Variants in WWTR1 observed in about 807,000 individuals in gnomAD.
The protein encoded by WWTR1 is WW domain-containing transcription regulator protein 1.
A neutral mutation model predicts 40.1 loss-of-function variants in WWTR1; 13 were observed. The observed-to-expected ratio is 0.32, with a 90% CI of 0.21 to 0.52. WWTR1 has a LOEUF of 0.52. Among genes scored for constraint, WWTR1 ranks in the 20% least tolerant of loss-of-function variants. The pLI, the probability that WWTR1 is intolerant of heterozygous loss-of-function variation, is 0.97. For synonymous variants in WWTR1, 230 were observed against 210.1 expected (o/e 1.09, Z -0.82); for missense variants, 436 against 523.1 (o/e 0.83, Z 1.63).
At chr3:149,696,617 C>T (rs1276262434) in intron 1 of WWTR1, among the ~76,000 whole-genome samples, 1 of 152,216 alleles carries the variant, frequency 6.6e-6, no homozygotes, top group Non-Finnish European at 1.5e-5. Flanking sequence ...AGAATCTATT[C>T]TCATGATCAT....
chr3:149,706,683 T>C (rs1411065352), upstream of WWTR1, among the ~76,000 whole-genome samples: 1 of 152,160 alleles, frequency 6.6e-6, no homozygotes, highest in Admixed American at 6.6e-5. Context: ...TCCTTATATT[T>C]TGAGCAAGAG....
intron 3 of WWTR1, among the ~76,000 whole-genome samples, chr3:149,559,036 G>C (rs930400256): frequency 2.6e-5 from 4 of 152,176 alleles, no homozygotes; most frequent in Admixed American, 2.6e-4. Context: ...GCTCACGCCT[G>C]TATTCCCAGC....
At chr3:149,675,773 G>A (rs1220629329) in intron 1 of WWTR1, among the ~76,000 whole-genome samples, 1 of 151,870 alleles carries the variant, frequency 6.6e-6, no homozygotes, top group Non-Finnish European at 1.5e-5. Context: ...CTGGAGTGCA[G>A]TGGCACGATC....
chr3:149,668,536 A>C, intron 2 of WWTR1, among the ~76,000 whole-genome samples: 1 of 148,640 alleles, frequency 6.7e-6, no homozygotes, highest in South Asian at 2.2e-4. Context: ...TGGGCCTGGG[A>C]GGCAGTGGTT....
At chr3:149,594,021 T>G (rs969246051) in intron 2 of WWTR1, among the ~76,000 whole-genome samples, 5 of 152,212 alleles carry the variant, frequency 3.3e-5, no homozygotes, top group African/African-American at 1.2e-4. Flanking sequence ...TCCTGTTTCT[T>G]GGGTCAGAGA....
At chr3:149,696,130 A>G (rs902423412) in intron 1 of WWTR1, among the ~76,000 whole-genome samples, 1 of 151,188 alleles carries the variant, frequency 6.6e-6, no homozygotes, top group Non-Finnish European at 1.5e-5. Flanking sequence ...AAAAAAAAAA[A>G]AAAAATCACA....
intron 4 of WWTR1, among the ~76,000 whole-genome samples, chr3:149,528,171 T>C (rs995096543): frequency 6.6e-6 from 1 of 152,338 alleles, no homozygotes; most frequent in Non-Finnish European, 1.5e-5. Flanking sequence ...ACAAAGTTAA[T>C]GGGAAGCTCA....
chr3:149,574,968 C>T (rs938210347), intron 2 of WWTR1, among the ~76,000 whole-genome samples: 4 of 151,820 alleles, frequency 2.6e-5, no homozygotes, highest in Non-Finnish European at 5.9e-5. Flanking sequence ...GTGATGCACG[C>T]GTGTAACCCC....
At chr3:149,675,940 C>G (rs1385844100) in intron 1 of WWTR1, among the ~76,000 whole-genome samples, 6 of 152,026 alleles carry the variant, frequency 3.9e-5, no homozygotes, top group African/African-American at 1.4e-4. Flanking sequence ...CTCCTGACCT[C>G]GTGATCGGCC....
intron 1 of WWTR1, among the ~76,000 whole-genome samples, chr3:149,692,143 G>C (rs968722142): frequency 2.7e-5 from 4 of 146,006 alleles, no homozygotes; most frequent in Admixed American, 2.7e-4. Context: ...ACCAACACCA[G>C]ACAAAGACAC....
chr3:149,645,113 T>A (rs1712420802), intron 2 of WWTR1, among the ~76,000 whole-genome samples: 2 of 143,044 alleles, frequency 1.4e-5, no homozygotes, highest in Admixed American at 1.4e-4. Context: ...GGAGTCTCGA[T>A]CTGTCGCCCA....
intron 2 of WWTR1, among the ~76,000 whole-genome samples, chr3:149,590,021 A>T (rs1738621646): frequency 6.6e-6 from 1 of 152,188 alleles, no homozygotes; most frequent in South Asian, 2.1e-4. Flanking sequence ...GTCATTCTCA[A>T]TTCATTCCTG....
intron 2 of WWTR1, among the ~76,000 whole-genome samples, chr3:149,652,733 G>A (rs1462104972): frequency 7.0e-6 from 1 of 142,414 alleles, no homozygotes; most frequent in Non-Finnish European, 1.5e-5. Flanking sequence ...AAACCTGGGA[G>A]AGAAAAAAGA....
chr3:149,674,311 A>G (rs13072136), intron 1 of WWTR1, among the ~76,000 whole-genome samples: 30,192 of 151,370 alleles, frequency 0.2, 3,247 homozygotes, highest in Admixed American at 0.3. Flanking sequence ...TTGTAGGCCC[A>G]GGCATGGTGG....
At chr3:149,524,863 A>G (rs984666141) in intron 6 of WWTR1, among the ~76,000 whole-genome samples, 8 of 152,184 alleles carry the variant, frequency 5.3e-5, no homozygotes, top group African/African-American at 1.9e-4. Context: ...ACACAAAACA[A>G]TTACTTTCGT....
chr3:149,712,077 A>G (rs1341512711), intron 5 of WWTR1, among the ~76,000 whole-genome samples: 1 of 152,216 alleles, frequency 6.6e-6, no homozygotes, highest in East Asian at 1.9e-4. Flanking sequence ...TAAATGTCAA[A>G]TGAAGTTTAA....
intron 3 of WWTR1, among the ~76,000 whole-genome samples, chr3:149,562,131 C>A (rs1313430411): frequency 6.6e-6 from 1 of 152,020 alleles, no homozygotes; most frequent in Non-Finnish European, 1.5e-5. Flanking sequence ...CCTGTCTCTA[C>A]TAAAAATACA....
At chr3:149,643,992 A>G (rs1712340281) in intron 2 of WWTR1, among the ~76,000 whole-genome samples, 1 of 151,994 alleles carries the variant, frequency 6.6e-6, no homozygotes, top group Non-Finnish European at 1.5e-5. Flanking sequence ...AGAAATCTCA[A>G]CCACACCAGG....
At chr3:149,524,397 T>G (rs1735195861) in intron 6 of WWTR1, among the ~76,000 whole-genome samples, 1 of 151,670 alleles carries the variant, frequency 6.6e-6, no homozygotes, top group Non-Finnish European at 1.5e-5. Flanking sequence ...TAACTTTGCT[T>G]TTTATCCTTA....
Sources: allele counts gnomAD v4.1 joint callset (sites outside exome capture counted in the v4.1 genomes callset), GRCh38; gene constraint gnomAD v4.1.1; transcripts MANE v1.5; gene names NCBI Gene and HGNC (gene_info 2026-07-23, HGNC 2026-07-21).